Variants in PPP1R12B observed in about 807,000 individuals in gnomAD.
The protein encoded by PPP1R12B is myosin phosphatase target subunit 2.
Under a neutral mutation model 126.1 loss-of-function variants are expected in PPP1R12B, and 76 were observed. That is an observed-to-expected ratio of 0.60 (90% CI 0.50 to 0.73). The LOEUF (loss-of-function observed/expected upper bound fraction) is 0.73, where lower values mean the gene tolerates loss of function less well. PPP1R12B is among the 30% of genes least tolerant of loss of function. PPP1R12B has a pLI of 0.00. For synonymous variants in PPP1R12B, 356 were observed against 434.7 expected, an observed-to-expected ratio of 0.82 and a Z score of 2.25; for missense variants, 1,052 against 1,205.1, an observed-to-expected ratio of 0.87 and a Z score of 1.88.
intron 18 of PPP1R12B, among the ~76,000 whole-genome samples, chr1:202,535,095 A>G (rs560200621): frequency 6.6e-6 from 1 of 151,752 alleles, no homozygotes; most frequent in African/African-American, 2.4e-5. Context: ...CCTAAACCAT[A>G]TAACAACTCT....
intron 1 of PPP1R12B, among the ~76,000 whole-genome samples, chr1:202,401,656 C>T (rs1176237351): frequency 6.6e-6 from 1 of 151,972 alleles, no homozygotes; most frequent in African/African-American, 2.4e-5. Flanking sequence ...GTCTTGTGTC[C>T]TCACATCAAC....
intron 1 of PPP1R12B, among the ~76,000 whole-genome samples, chr1:202,353,010 G>A (rs1213995929): frequency 6.6e-6 from 1 of 152,182 alleles, no homozygotes; most frequent in Non-Finnish European, 1.5e-5. Context: ...TCATTCTAGA[G>A]TTGCCTCAGT....
At chr1:202,447,913 C>T (rs544771376) in intron 12 of PPP1R12B, among the ~76,000 whole-genome samples, 20 of 151,866 alleles carry the variant, frequency 1.3e-4, no homozygotes, top group Non-Finnish European at 2.8e-4. Flanking sequence ...TTTTCTTAGT[C>T]ATTAATTGCT....
At chr1:202,433,681 ATT>A (rs1183706632) in intron 8 of PPP1R12B, among the ~76,000 whole-genome samples, 3 of 152,348 alleles carry the variant, frequency 2.0e-5, no homozygotes, top group Admixed American at 2.0e-4. Flanking sequence ...ATCAATGCTC[ATT>A]GAGTGATTTC....
chr1:202,462,316 G>GTATTTCTGTTGCTAAACAC (rs1674409973), intron 13 of PPP1R12B, among the ~76,000 whole-genome samples: 1 of 152,002 alleles, frequency 6.6e-6, no homozygotes, highest in Admixed American at 6.5e-5. Context: ...TCTTTTTTCC[G>GTATTTCTGTTGCTAAACAC]TATTTCTGTT....
At position 202,439,115 on chromosome 1, in the gene PPP1R12B, G is replaced by A. The variant is rs1671256003; in HGVS notation, c.1458+1091G>A. On this transcript the variant is annotated intron_variant, in intron 10 of 23. Transcript: ENST00000608999. ...CAGCGCCAAAGTGGACATGACGTTC[G>A]AGGAGGAGGAGCAGCTCCTGTAGTT... 3.2e-6 allele frequency: 5 copies of A among 1,562,692 alleles called. No individual in the cohort carries two copies. In the South Asian group the frequency reaches 3.3e-5, roughly 10 times the overall value.
intron 8 of PPP1R12B, among the ~76,000 whole-genome samples, chr1:202,432,350 C>T (rs982352047): frequency 2.5e-4 from 38 of 151,812 alleles, no homozygotes; most frequent in African/African-American, 8.7e-4. Flanking sequence ...CTTACTGCAA[C>T]CTCCGCCTCC....
At chr1:202,362,613 G>T (rs2148413780) in intron 1 of PPP1R12B, among the ~76,000 whole-genome samples, 2 of 148,874 alleles carry the variant, frequency 1.3e-5, no homozygotes, top group Non-Finnish European at 3.0e-5. Flanking sequence ...AGCTCTGTGT[G>T]TGCTATAGCC....
At chr1:202,551,452 A>T (rs1454243577) in intron 18 of PPP1R12B, among the ~76,000 whole-genome samples, 2 of 152,094 alleles carry the variant, frequency 1.3e-5, no homozygotes, top group African/African-American at 4.8e-5. Flanking sequence ...TTCTGAATGT[A>T]TGTAATCACC....
chr1:202,573,934 G>A (rs1159360879), intron 23 of PPP1R12B, among the ~76,000 whole-genome samples: 2 of 152,108 alleles, frequency 1.3e-5, no homozygotes, highest in Non-Finnish European at 2.9e-5. Flanking sequence ...TGCTTGAACT[G>A]AGACAAAGAA....
chr1:202,558,462 A>G (rs1444451443), intron 18 of PPP1R12B, among the ~76,000 whole-genome samples: 3 of 152,198 alleles, frequency 2.0e-5, no homozygotes, highest in Non-Finnish European at 4.4e-5. Context: ...GGAGTTTGTG[A>G]ACAAAGGAAA....
intron 18 of PPP1R12B, chr1:202,539,704 C>G (rs1572438691): frequency 6.4e-6 from 1 of 155,186 alleles, no homozygotes; most frequent in South Asian, 1.9e-4. Context: ...TAGTAGTTCC[C>G]AGACTCGCTG....
intron 1 of PPP1R12B, among the ~76,000 whole-genome samples, chr1:202,359,217 C>CT (rs1657687053): frequency 6.6e-6 from 1 of 151,760 alleles, no homozygotes; most frequent in Admixed American, 6.6e-5. Context: ...CGATCTTGGC[C>CT]CACTGCAACC....
intron 23 of PPP1R12B, among the ~76,000 whole-genome samples, chr1:202,571,608 C>A (rs1233378817): frequency 1.3e-5 from 2 of 152,212 alleles, no homozygotes; most frequent in Non-Finnish European, 2.9e-5. Flanking sequence ...TGTGTGCCAC[C>A]ACACCCAGTT....
rs1553332223 is a variant in PPP1R12B, at chr1:202,588,865, A to AGATAGATG, written c.*8312_*8313insGGATAGAT. On this transcript the variant is annotated 3_prime_UTR_variant, in exon 24 of 24. Transcript: ENST00000608999. ...TAGATAGATAGATAGATAGATAGAT[A>AGATAGATG]GATAGATATCAAGGTTCCAAGCTTC... 2 of 145,938 alleles carry AGATAGATG rather than the reference A, an allele frequency of 1.4e-5. No individual in the cohort carries two copies. Among genetic ancestry groups the AGATAGATG allele is most frequent in the Admixed American group, 1.3e-4 (2 of 15,072 alleles). 9.0% of individuals were successfully genotyped at this position (145,938 alleles called of 1,614,324 possible).
chr1:202,588,861 A>AGATAGATAGATAGAT lies in PPP1R12B; in HGVS notation c.*8313_*8314insGATGATAGATAGATA, dbSNP rs1553332209. On this transcript the variant is annotated 3_prime_UTR_variant, in exon 24 of 24. Coordinates refer to ENST00000608999, the MANE Select transcript of PPP1R12B (RefSeq NM_002481.4). The stretch of plus-strand genomic sequence containing the variant: ...TAGATAGATAGATAGATAGATAGAT[A>AGATAGATAGATAGAT]GATAGATAGATATCAAGGTTCCAAG... 2 of 145,348 alleles carry AGATAGATAGATAGAT rather than the reference A, an allele frequency of 1.4e-5. No homozygotes were observed. Among genetic ancestry groups the AGATAGATAGATAGAT allele is most frequent in the Non-Finnish European group, 3.0e-5 (2 of 67,282 alleles). 9.0% of individuals were successfully genotyped at this position (145,348 alleles called of 1,614,324 possible). A position where few individuals can be genotyped will look rare whatever the true frequency, so the allele number is the denominator to read the frequency against.
chr1:202,439,458 A>G, intron 10 of PPP1R12B: 1 of 1,420,274 alleles, frequency 7.0e-7, no homozygotes. Flanking sequence ...GCTGCCCGCC[A>G]AGTGCCCCGG....
In PPP1R12B at chr1:202,445,189, C is replaced by T. The variant is rs1558236834; in HGVS notation, c.1667+2617C>T. ...CAACCTGCCTCTTCTTGCCCTGCACCAATCAGTGCAAACACTACTGCATCT... is the reference window on the plus strand; with the variant it reads ...CAACCTGCCTCTTCTTGCCCTGCACTAATCAGTGCAAACACTACTGCATCT... On this transcript the variant is annotated intron_variant, in intron 12 of 23. Transcript: ENST00000608999. The T allele has an allele frequency of 2.4e-6, 3 of 1,246,826 alleles. No homozygotes were observed. The East Asian group carries it at 9.5e-5, about 39-fold the overall frequency. The allele number at this position is 1,246,826 out of a possible 1,614,324, so 77.2% of individuals were successfully genotyped here.
intron 13 of PPP1R12B, chr1:202,473,986 A>C (rs776344002): frequency 7.5e-6 from 4 of 530,046 alleles, no homozygotes; most frequent in South Asian, 4.2e-5. Flanking sequence ...CTCTTTGTCA[A>C]AGGGGGCAGA....
Sources: allele counts gnomAD v4.1 joint callset (sites outside exome capture counted in the v4.1 genomes callset), GRCh38; gene constraint gnomAD v4.1.1; transcripts MANE v1.5; gene names NCBI Gene and HGNC (gene_info 2026-07-23, HGNC 2026-07-21).